Variants in TAFA1 observed in about 807,000 individuals in gnomAD.
TAFA1 encodes the protein chemokine-like protein TAFA-1.
TAFA1 carries 4 observed loss-of-function variants against 18.5 expected under a neutral mutation model. That is an observed-to-expected ratio of 0.22 (90% CI 0.11 to 0.49). The LOEUF (loss-of-function observed/expected upper bound fraction) is 0.49, where lower values mean the gene tolerates loss of function less well. TAFA1 is among the 20% of genes least tolerant of loss of function. The pLI is 0.98. For missense variants in TAFA1, 147 were observed against 169.0 expected (o/e 0.87, Z 0.72); for synonymous variants, 56 against 55.2 (o/e 1.01, Z -0.06).
chr3:68,346,772 C>T (rs181073567), intron 2 of TAFA1, among the ~76,000 whole-genome samples: 1 of 152,252 alleles, frequency 6.6e-6, no homozygotes, highest in African/African-American at 2.4e-5. Flanking sequence ...AGAGTTGTTC[C>T]ATATTCTTCA....
At chr3:68,263,237 T>C (rs2067470947) in intron 2 of TAFA1, among the ~76,000 whole-genome samples, 1 of 152,090 alleles carries the variant, frequency 6.6e-6, no homozygotes, top group African/African-American at 2.4e-5. Flanking sequence ...ACTTCTATGG[T>C]ATAAACCAAT....
At chr3:68,255,659 T>C (rs1303986476) in intron 2 of TAFA1, among the ~76,000 whole-genome samples, 2 of 151,862 alleles carry the variant, frequency 1.3e-5, no homozygotes, top group African/African-American at 2.4e-5. Flanking sequence ...GAGAGTTTTA[T>C]AGGGTTTTTT....
At chr3:68,397,952 A>G (rs1181125534) in intron 2 of TAFA1, among the ~76,000 whole-genome samples, 1 of 152,124 alleles carries the variant, frequency 6.6e-6, no homozygotes, top group Non-Finnish European at 1.5e-5. Flanking sequence ...TCCCATGCCT[A>G]TGTCCTGAAT....
intron 3 of TAFA1, among the ~76,000 whole-genome samples, chr3:68,458,745 C>T (rs1575885703): frequency 6.6e-6 from 1 of 151,930 alleles, no homozygotes; most frequent in East Asian, 1.9e-4. Context: ...GGGAAACAAT[C>T]TTTCATGCTT....
At chr3:68,463,572 AT>A (rs2071825480) in intron 3 of TAFA1, among the ~76,000 whole-genome samples, 1 of 152,064 alleles carries the variant, frequency 6.6e-6, no homozygotes, top group African/African-American at 2.4e-5. Context: ...TTTGTTACTT[AT>A]AAACTCCCTT....
intron 2 of TAFA1, among the ~76,000 whole-genome samples, chr3:68,400,636 T>C (rs1463495251): frequency 3.3e-5 from 5 of 152,218 alleles, no homozygotes; most frequent in Non-Finnish European, 7.3e-5. Flanking sequence ...GAGACAAATC[T>C]GTTTTTATAT....
intron 2 of TAFA1, among the ~76,000 whole-genome samples, chr3:68,351,302 T>C (rs1467699351): frequency 2.0e-5 from 3 of 152,058 alleles, no homozygotes; most frequent in East Asian, 3.9e-4. Context: ...ATCCAATTCA[T>C]TGAGCCTAGG....
chr3:67,993,160 T>C, the TAFA1 span, among the ~76,000 whole-genome samples: 4 of 152,232 alleles, frequency 2.6e-5, no homozygotes, highest in Admixed American at 2.0e-4. Context: ...TTAACAAATA[T>C]ATATTGGGTA....
At chr3:68,523,087 T>A (rs960113330) in intron 3 of TAFA1, among the ~76,000 whole-genome samples, 6 of 151,480 alleles carry the variant, frequency 4.0e-5, no homozygotes, top group Admixed American at 1.3e-4. Flanking sequence ...AAAAAATAAA[T>A]AAATAAATAA....
chr3:68,109,042 C>T (rs2065235518), intron 2 of TAFA1, among the ~76,000 whole-genome samples: 2 of 151,930 alleles, frequency 1.3e-5, no homozygotes, highest in Non-Finnish European at 1.5e-5. Flanking sequence ...TATAATGAAG[C>T]TCTAAATGTA....
intron 2 of TAFA1, among the ~76,000 whole-genome samples, chr3:68,211,154 A>G (rs1559560041): frequency 2.6e-5 from 4 of 152,022 alleles, no homozygotes. Flanking sequence ...GAAATCATGC[A>G]CCATCATTTC....
At chr3:68,080,334 G>T (rs1575605786) in intron 2 of TAFA1, among the ~76,000 whole-genome samples, 2 of 152,000 alleles carry the variant, frequency 1.3e-5, no homozygotes, top group East Asian at 3.9e-4. Context: ...ATATTGTTAT[G>T]TGTGAATTTG....
intron 2 of TAFA1, among the ~76,000 whole-genome samples, chr3:68,216,282 A>G (rs2066656462): frequency 6.6e-6 from 1 of 152,078 alleles, no homozygotes; most frequent in South Asian, 2.1e-4. Flanking sequence ...ACTTGAATGC[A>G]CATACAATGG....
At chr3:68,411,313 C>T (rs75534688) in intron 2 of TAFA1, among the ~76,000 whole-genome samples, 2,707 of 152,216 alleles carry the variant, frequency 0.018, 107 homozygotes, top group African/African-American at 0.062. Context: ...ATACTATACT[C>T]TGTATATATA....
chr3:68,479,843 C>T (rs776577104), intron 3 of TAFA1, among the ~76,000 whole-genome samples: 5 of 151,992 alleles, frequency 3.3e-5, no homozygotes, highest in African/African-American at 4.8e-5. Context: ...TATATACATA[C>T]ATGCACACAT....
intron 2 of TAFA1, among the ~76,000 whole-genome samples, chr3:68,086,426 T>C (rs2064970947): frequency 1.3e-5 from 2 of 152,242 alleles, no homozygotes; most frequent in Admixed American, 1.3e-4. Flanking sequence ...TTCAGCAGCA[T>C]GTGTATTTTG....
At chr3:68,033,996 G>T (rs1704993080) in intron 2 of TAFA1, among the ~76,000 whole-genome samples, 1 of 152,168 alleles carries the variant, frequency 6.6e-6, no homozygotes, top group Non-Finnish European at 1.5e-5. Context: ...AGGAAGCAAA[G>T]CTGTATAGAC....
chr3:68,455,580 A>G (rs2071646975), intron 3 of TAFA1, among the ~76,000 whole-genome samples: 1 of 152,186 alleles, frequency 6.6e-6, no homozygotes, highest in African/African-American at 2.4e-5. Flanking sequence ...TTTGTCTTCT[A>G]TTCATTCCTC....
chr3:68,055,476 C>G (rs1404973847), intron 2 of TAFA1, among the ~76,000 whole-genome samples: 1 of 152,094 alleles, frequency 6.6e-6, no homozygotes, highest in East Asian at 1.9e-4. Context: ...CGGTAGCTAC[C>G]TATTAACCAG....
Sources: allele counts gnomAD v4.1 joint callset (sites outside exome capture counted in the v4.1 genomes callset), GRCh38; gene constraint gnomAD v4.1.1; transcripts MANE v1.5; gene names NCBI Gene and HGNC (gene_info 2026-07-23, HGNC 2026-07-21).